The following RASGRF2 variants were observed in gnomAD, a reference collection of about 807,000 sequenced individuals.
RASGRF2 encodes the protein ras-specific guanine nucleotide-releasing factor 2.
RASGRF2 carries 76 observed loss-of-function variants against 151.0 expected under a neutral mutation model. The observed-to-expected ratio is 0.50, with a 90% CI of 0.42 to 0.61. RASGRF2 has a LOEUF of 0.61. RASGRF2 is among the 20% of genes least tolerant of loss of function. The probability of loss-of-function intolerance (pLI) is 0.00; values close to 1 mark genes in which losing one functional copy is unlikely to be tolerated. For missense variants in RASGRF2, 1,148 were observed against 1,564.6 expected (o/e 0.73, Z 4.49); for synonymous variants, 504 against 566.5 (o/e 0.89, Z 1.57).
intron 11 of RASGRF2, among the ~76,000 whole-genome samples, chr5:81,094,602 G>A: frequency 6.6e-6 from 1 of 151,984 alleles, no homozygotes; most frequent in East Asian, 1.9e-4. Flanking sequence ...TAAATCATGG[G>A]AATTTTTTTT....
chr5:81,094,784 T>A, intron 11 of RASGRF2, 72 bp from the exon 12 acceptor site: 1 of 1,463,084 alleles, frequency 6.8e-7, no homozygotes, highest in South Asian at 1.2e-5. Flanking sequence ...ATAAATAGAA[T>A]AATGTGAAGG....
intron 1 of RASGRF2, among the ~76,000 whole-genome samples, chr5:81,009,515 T>A (rs1474270292): frequency 6.6e-6 from 1 of 152,198 alleles, no homozygotes; most frequent in East Asian, 1.9e-4. Context: ...CAAATATCCC[T>A]AAAGCAAGTC....
chr5:81,046,866 A>T (rs1750851735), intron 2 of RASGRF2, among the ~76,000 whole-genome samples: 2 of 152,054 alleles, frequency 1.3e-5, no homozygotes, highest in African/African-American at 4.8e-5. Context: ...CAGTTAGGAG[A>T]TAGTCATGGC....
chr5:81,010,224 A>G (rs1488697647), intron 1 of RASGRF2, among the ~76,000 whole-genome samples: 1 of 151,688 alleles, frequency 6.6e-6, no homozygotes, highest in African/African-American at 2.4e-5. Context: ...TTGTCTTTGG[A>G]TGATGGTAGG....
intron 15 of RASGRF2, among the ~76,000 whole-genome samples, chr5:81,118,203 G>A (rs1437083535): frequency 6.6e-6 from 1 of 152,248 alleles, no homozygotes. Flanking sequence ...ATAGGTCTCT[G>A]CCTGGGACCC....
intron 12 of RASGRF2, among the ~76,000 whole-genome samples, chr5:81,102,104 G>A (rs968650210): frequency 1.3e-5 from 2 of 152,162 alleles, no homozygotes; most frequent in Non-Finnish European, 2.9e-5. Context: ...GAAATCTCTT[G>A]TTGCCAGAAA....
chr5:81,059,022 C>A (rs932130699), intron 2 of RASGRF2, among the ~76,000 whole-genome samples: 1 of 152,096 alleles, frequency 6.6e-6, no homozygotes, highest in Admixed American at 6.6e-5. Flanking sequence ...CAACTCTTCC[C>A]CCTTCTCCTC....
At chr5:81,159,205 T>C (rs569683988) in intron 17 of RASGRF2, among the ~76,000 whole-genome samples, 4 of 152,342 alleles carry the variant, frequency 2.6e-5, no homozygotes, top group African/African-American at 9.6e-5. Context: ...TGCTACAGCA[T>C]GGATGAAACG....
chr5:81,165,578 G>C (rs1445445964), intron 17 of RASGRF2, among the ~76,000 whole-genome samples: 3 of 152,152 alleles, frequency 2.0e-5, no homozygotes, highest in Non-Finnish European at 4.4e-5. Flanking sequence ...ATCTTTCAAA[G>C]AATTCTTTGG....
chr5:81,171,140 C>T (rs973862854), intron 17 of RASGRF2, among the ~76,000 whole-genome samples: 2 of 152,156 alleles, frequency 1.3e-5, no homozygotes, highest in Admixed American at 1.3e-4. Flanking sequence ...TCCACTAATT[C>T]GGTGGCCATC....
intron 1 of RASGRF2, among the ~76,000 whole-genome samples, chr5:81,014,108 A>G (rs1438070437): frequency 1.3e-5 from 2 of 151,696 alleles, no homozygotes; most frequent in Non-Finnish European, 2.9e-5. Flanking sequence ...TCTATTTTCA[A>G]CTTTGTTCAT....
At chr5:80,992,691 T>G (rs1051494799) in intron 1 of RASGRF2, among the ~76,000 whole-genome samples, 11 of 152,184 alleles carry the variant, frequency 7.2e-5, no homozygotes, top group African/African-American at 2.2e-4. Flanking sequence ...CTATTTTCAG[T>G]CTTTTTTGAA....
At chr5:80,991,817 C>G (rs569526267) in intron 1 of RASGRF2, among the ~76,000 whole-genome samples, 1 of 152,162 alleles carries the variant, frequency 6.6e-6, no homozygotes, top group African/African-American at 2.4e-5. Flanking sequence ...CTGTAGCTTA[C>G]GTAAACCCTT....
intron 3 of RASGRF2, 38 bp downstream of exon 3, chr5:81,068,217 C>T (rs765208570): frequency 5.7e-6 from 9 of 1,584,708 alleles, no homozygotes; most frequent in Admixed American, 5.3e-5. Context: ...CATTGTTTCA[C>T]GTTTACCGTC....
At chr5:81,156,776 C>A (rs1309076180) in intron 17 of RASGRF2, among the ~76,000 whole-genome samples, 2 of 152,120 alleles carry the variant, frequency 1.3e-5, no homozygotes, top group Non-Finnish European at 2.9e-5. Context: ...ATCAACGATG[C>A]CTGCTCTTGC....
At chr5:81,068,676 G>T (rs961704116) in intron 3 of RASGRF2, among the ~76,000 whole-genome samples, 1 of 152,120 alleles carries the variant, frequency 6.6e-6, no homozygotes, top group African/African-American at 2.4e-5. Flanking sequence ...ATTTGCTAGG[G>T]TGCATTTTTC....
chr5:81,032,745 G>T (rs1341874986), intron 1 of RASGRF2, among the ~76,000 whole-genome samples: 1 of 148,596 alleles, frequency 6.7e-6, no homozygotes. Context: ...ACAAGACAGG[G>T]ATGCCCTCTC....
intron 4 of RASGRF2, 104 bp from the exon 5 acceptor site, chr5:81,073,092 TATC>T: frequency 7.5e-7 from 1 of 1,332,486 alleles, no homozygotes; most frequent in Non-Finnish European, 1.0e-6. Context: ...TTTTAGAGGT[TATC>T]ATGTTTTCTG....
intron 12 of RASGRF2, among the ~76,000 whole-genome samples, chr5:81,098,516 C>T (rs1299335145): frequency 4.6e-5 from 7 of 152,032 alleles, no homozygotes; most frequent in Non-Finnish European, 1.0e-4. Flanking sequence ...GTGAAGAGGA[C>T]CAAGAAGGAA....
Sources: gnomAD v4.1 joint callset for allele counts (sites outside exome capture counted in the v4.1 genomes callset) on GRCh38, gnomAD v4.1.1 for gene constraint, MANE v1.5 for transcripts, NCBI Gene and HGNC (gene_info 2026-07-23, HGNC 2026-07-21) for gene names.